The following SEMA3A variants were observed in gnomAD, a reference collection of about 807,000 sequenced individuals.
SEMA3A encodes semaphorin 3A.
Under a neutral mutation model 97.9 loss-of-function variants are expected in SEMA3A, and 29 were observed. The observed-to-expected ratio is 0.30, with a 90% CI of 0.22 to 0.40. The LOEUF is 0.40. Among genes scored for constraint, SEMA3A ranks in the 10% least tolerant of loss-of-function variants. SEMA3A has a pLI of 1.00. For synonymous variants in SEMA3A, 321 were observed against 323.7 expected (o/e 0.99, Z 0.09); for missense variants, 763 against 951.3 (o/e 0.80, Z 2.60).
At position 84,066,921 on chromosome 7, in the gene SEMA3A, C is replaced by T. The variant is rs546957839; in HGVS notation, c.454-6363G>A. The stretch of plus-strand genomic sequence containing the variant: ...TTCTTCACAGAATTGGAAAAAACTG[C>T]TTTAAAGTTCATATGGAACCAAAAA... On this transcript the variant is annotated intron_variant, in intron 4 of 16. Transcript: ENST00000265362. Among the ~76,000 whole-genome samples, 810 of 152,280 alleles carry T rather than the reference C, an allele frequency of 5.3e-3. 4 individuals carry two copies. Among genetic ancestry groups the T allele is most frequent in the Middle Eastern group, 0.02 (6 of 294 alleles).
intron 12 of SEMA3A, among the ~76,000 whole-genome samples, chr7:83,988,765 TG>T (rs1299749354): frequency 3.3e-5 from 5 of 152,088 alleles, no homozygotes; most frequent in Admixed American, 3.3e-4. Context: ...ATGAAAGGAA[TG>T]TCTATCAACT....
At chr7:84,182,119 G>A (rs371183186) in intron 1 of SEMA3A, among the ~76,000 whole-genome samples, 3 of 152,052 alleles carry the variant, frequency 2.0e-5, no homozygotes, top group African/African-American at 4.8e-5. Context: ...CAGACTGCAG[G>A]TTTATTTTCT....
intron 2 of SEMA3A, among the ~76,000 whole-genome samples, chr7:84,368,141 C>A (rs994626732): frequency 3.3e-5 from 5 of 151,048 alleles, no homozygotes; most frequent in African/African-American, 1.2e-4. Context: ...CATGGTATTT[C>A]TAAAAATAGG....
At chr7:84,374,292 A>G (rs373419957) in intron 1 of SEMA3A, among the ~76,000 whole-genome samples, 4 of 152,360 alleles carry the variant, frequency 2.6e-5, no homozygotes, top group African/African-American at 9.6e-5. Flanking sequence ...GTGTGCAAAG[A>G]TATTTATACC....
At chr7:84,251,686 A>C (rs538703499) in intron 3 of SEMA3A, among the ~76,000 whole-genome samples, 70 of 152,296 alleles carry the variant, frequency 4.6e-4, no homozygotes, top group African/African-American at 1.6e-3. Flanking sequence ...CTCACCACAT[A>C]CTGAGCTTCT....
chr7:84,219,760 A>G (rs1444621554), intron 3 of SEMA3A, among the ~76,000 whole-genome samples: 1 of 152,148 alleles, frequency 6.6e-6, no homozygotes, highest in African/African-American at 2.4e-5. Context: ...TATCTTCTGG[A>G]TGACTTGTTG....
At chr7:84,488,402 C>A (rs1008168624) in intron 1 of SEMA3A, among the ~76,000 whole-genome samples, 1 of 151,822 alleles carries the variant, frequency 6.6e-6, no homozygotes, top group Non-Finnish European at 1.5e-5. Flanking sequence ...GCCATTCTAT[C>A]TTTCAAAAAA....
At chr7:84,364,952 T>C (rs1802810588) in intron 2 of SEMA3A, among the ~76,000 whole-genome samples, 1 of 151,590 alleles carries the variant, frequency 6.6e-6, no homozygotes, top group African/African-American at 2.4e-5. Context: ...AAAGGTACAA[T>C]TCTTGATCAA....
intron 1 of SEMA3A, among the ~76,000 whole-genome samples, chr7:84,413,827 C>T (rs889379108): frequency 1.3e-5 from 2 of 151,950 alleles, no homozygotes; most frequent in Non-Finnish European, 1.5e-5. Flanking sequence ...AAAAATATAA[C>T]GTAGTGAAAA....
intron 1 of SEMA3A, among the ~76,000 whole-genome samples, chr7:84,404,026 A>C (rs1160087647): frequency 6.6e-6 from 1 of 152,344 alleles, no homozygotes; most frequent in Admixed American, 6.5e-5. Context: ...CACCAGCAAC[A>C]GAACAAAGCT....
At chr7:84,425,670 T>G (rs1804800251) in intron 1 of SEMA3A, among the ~76,000 whole-genome samples, 1 of 148,350 alleles carries the variant, frequency 6.7e-6, no homozygotes, top group Non-Finnish European at 1.5e-5. Flanking sequence ...TTGTTAAAAC[T>G]TTATATAATT....
intron 1 of SEMA3A, among the ~76,000 whole-genome samples, chr7:84,454,838 T>C (rs531373147): frequency 6.6e-6 from 1 of 152,048 alleles, no homozygotes; most frequent in Non-Finnish European, 1.5e-5. Context: ...TTAAAATTAA[T>C]TTTATATGAA....
chr7:84,007,558 T>C (rs1489427586), intron 9 of SEMA3A, 61 bp from the exon 10 acceptor site: 40 of 1,219,926 alleles, frequency 3.3e-5, no homozygotes, highest in Middle Eastern at 2.1e-4. Flanking sequence ...AAGAGAAATA[T>C]TGATACTGAG....
intron 1 of SEMA3A, among the ~76,000 whole-genome samples, chr7:84,428,118 C>T (rs141847797): frequency 0.01 from 1,550 of 152,080 alleles, 10 homozygotes; most frequent in Non-Finnish European, 0.015. Flanking sequence ...CATATGCTAC[C>T]AATGCAAATT....
intron 3 of SEMA3A, among the ~76,000 whole-genome samples, chr7:84,225,113 T>C (rs1447564439): frequency 6.6e-6 from 1 of 152,122 alleles, no homozygotes; most frequent in African/African-American, 2.4e-5. Context: ...GTTAAATTTA[T>C]TTTTCTAATT....
At chr7:84,456,606 G>T (rs1805692205) in intron 1 of SEMA3A, among the ~76,000 whole-genome samples, 1 of 151,640 alleles carries the variant, frequency 6.6e-6, no homozygotes, top group South Asian at 2.1e-4. Flanking sequence ...TATTGATTTA[G>T]GTAACTGCAT....
At chr7:83,998,757 T>C (rs567139846) in intron 12 of SEMA3A, among the ~76,000 whole-genome samples, 1 of 152,164 alleles carries the variant, frequency 6.6e-6, no homozygotes, top group Non-Finnish European at 1.5e-5. Context: ...GTTTGATAAA[T>C]TATTATTATT....
At chr7:84,181,572 C>T (rs2116237727) in intron 1 of SEMA3A, among the ~76,000 whole-genome samples, 1 of 151,986 alleles carries the variant, frequency 6.6e-6, no homozygotes, top group African/African-American at 2.4e-5. Flanking sequence ...ATATTGTATC[C>T]TAAAAATAAT....
chr7:84,016,922 T>C (rs1464430927), intron 6 of SEMA3A, among the ~76,000 whole-genome samples: 1 of 152,206 alleles, frequency 6.6e-6, no homozygotes, highest in Non-Finnish European at 1.5e-5. Flanking sequence ...ACTGGAACAA[T>C]GGAGGGAGAA....
Sources: gnomAD v4.1 joint callset for allele counts (sites outside exome capture counted in the v4.1 genomes callset) on GRCh38, gnomAD v4.1.1 for gene constraint, MANE v1.5 for transcripts, NCBI Gene and HGNC (gene_info 2026-07-23, HGNC 2026-07-21) for gene names.